Variants in MICU3 observed in about 807,000 individuals in gnomAD.
The protein encoded by MICU3 is calcium uptake protein 3, mitochondrial.
A neutral mutation model predicts 66.5 loss-of-function variants in MICU3; 62 were observed. The ratio of observed to expected loss-of-function variants is 0.93; its 90% CI spans 0.76 to 1.15. The LOEUF is 1.15. MICU3 is among the 50% of genes most tolerant of loss of function. MICU3 has a pLI of 0.00. For missense variants in MICU3, 779 were observed against 664.4 expected (o/e 1.17, Z -1.90); for synonymous variants, 308 against 240.7 (o/e 1.28, Z -2.59).
At chr8:17,130,786 G>T in the MICU3 span, among the ~76,000 whole-genome samples, 4 of 151,828 alleles carry the variant, frequency 2.6e-5, 1 homozygote, top group African/African-American at 9.7e-5. Flanking sequence ...CAAAAAAATG[G>T]GTACAACAAA....
chr8:17,064,140 G>A lies in MICU3; in HGVS notation c.438G>A (p.Glu146=). 6.2e-7 allele frequency: 1 copy of A among 1,613,378 alleles called. No homozygotes were observed. The highest frequency in any genetic ancestry group is 8.5e-7 in the Non-Finnish European group (1 of 1,179,496). ...TAGACCTTTATGCCACATCTCGGGA[G>A]AGGCGATTTCGTTTATTTGCTTCTA... ...EDLDLYATSR[E]RRFRLFASIE... Residue 146 remains glutamate (E), a synonymous_variant, in exon 2 of 15, where the codon GAG becomes GAA. Transcript: ENST00000318063.
At chr8:17,097,803 A>G (rs748163708) in intron 8 of MICU3, among the ~76,000 whole-genome samples, 12 of 151,702 alleles carry the variant, frequency 7.9e-5, no homozygotes, top group Admixed American at 2.6e-4. Context: ...TTTTTAATCT[A>G]CACTTCCTGA....
intron 7 of MICU3, among the ~76,000 whole-genome samples, chr8:17,087,685 C>T (rs988744593): frequency 6.6e-6 from 1 of 151,954 alleles, no homozygotes; most frequent in Admixed American, 6.6e-5. Flanking sequence ...TTAAGCTACC[C>T]AACAATTCTC....
intron 9 of MICU3, 146 bp from the exon 10 acceptor site, chr8:17,104,245 A>C (rs1456253710): frequency 7.5e-6 from 3 of 399,028 alleles, no homozygotes; most frequent in African/African-American, 2.1e-5. Flanking sequence ...GCATGTATTA[A>C]TATGCCTGTG....
At chr8:17,044,147 A>G (rs1221805552) in intron 1 of MICU3, among the ~76,000 whole-genome samples, 2 of 152,240 alleles carry the variant, frequency 1.3e-5, no homozygotes, top group African/African-American at 4.8e-5. Context: ...AATTTGGAAC[A>G]TGGTTAAAGC....
Position 17,091,488 on chromosome 8 carries a change from T to C in MICU3, c.888+904T>C, listed in dbSNP as rs184722645. On this transcript the variant is annotated intron_variant, in intron 8 of 14. Transcript: ENST00000318063. Reference sequence around the variant, plus strand: ...GTGTACAATTCTAAAAGTAGGTGTATTGTCTCCTGTATTGGATAGTTAATC... The same window carrying C: ...GTGTACAATTCTAAAAGTAGGTGTACTGTCTCCTGTATTGGATAGTTAATC... 3.4e-4 allele frequency among the ~76,000 whole-genome samples: 51 copies of C among 152,220 alleles called. No homozygotes were observed. The East Asian group carries it at 5.2e-3, about 16-fold the overall frequency.
At chr8:17,027,694 G>C in intron 1 of MICU3, 34 bp downstream of exon 1, 1 of 1,266,406 alleles carries the variant, frequency 7.9e-7, no homozygotes, top group Non-Finnish European at 9.9e-7. Context: ...ACCTGCGCGG[G>C]GGATGTGACC....
intron 1 of MICU3, among the ~76,000 whole-genome samples, chr8:17,048,987 C>A (rs576167714): frequency 2.8e-4 from 42 of 152,258 alleles, no homozygotes; most frequent in African/African-American, 1.0e-3. Context: ...ATTATGGATC[C>A]ATGCAAATAA....
intron 1 of MICU3, among the ~76,000 whole-genome samples, chr8:17,042,624 G>A (rs183871312): frequency 6.6e-6 from 1 of 152,144 alleles, no homozygotes; most frequent in East Asian, 1.9e-4. Flanking sequence ...TGCTACCATA[G>A]CATAGTAGTG....
chr8:17,063,334 A>G, intron 1 of MICU3, among the ~76,000 whole-genome samples: 1 of 152,132 alleles, frequency 6.6e-6, no homozygotes, highest in East Asian at 1.9e-4. Context: ...CTTTTTTGCC[A>G]AAAAGAAAAC....
chr8:17,132,052 T>C, the MICU3 span: 1 of 152,150 alleles, frequency 6.6e-6, no homozygotes, highest in African/African-American at 2.4e-5. Flanking sequence ...GATGCAACAA[T>C]CATTGCATAC....
intron 5 of MICU3, 131 bp downstream of exon 5, chr8:17,081,871 C>T (rs767798926): frequency 3.5e-6 from 2 of 569,740 alleles, no homozygotes; most frequent in South Asian, 3.4e-5. Flanking sequence ...ATGTTTAATG[C>T]TACAGAAAAA....
At chr8:17,028,822 G>T (rs531912348) in intron 1 of MICU3, among the ~76,000 whole-genome samples, 198 of 151,894 alleles carry the variant, frequency 1.3e-3, no homozygotes, top group African/African-American at 4.5e-3. Context: ...CCACTTTTGT[G>T]GCTTGGCAAG....
the MICU3 span, among the ~76,000 whole-genome samples, chr8:17,137,271 A>G: frequency 2.6e-5 from 4 of 152,048 alleles, no homozygotes; most frequent in African/African-American, 4.8e-5. Flanking sequence ...GTGATTCTAC[A>G]TAGGAGTTAA....
intron 1 of MICU3, among the ~76,000 whole-genome samples, chr8:17,038,846 G>T (rs1032174152): frequency 1.3e-5 from 2 of 151,924 alleles, no homozygotes; most frequent in Admixed American, 6.6e-5. Flanking sequence ...CCAGCTGCTC[G>T]GGAGGCTGAG....
the MICU3 span, among the ~76,000 whole-genome samples, chr8:17,136,832 T>C: frequency 6.7e-6 from 1 of 149,412 alleles, no homozygotes. Context: ...TCAGGGGAGA[T>C]AAACCTTTTT....
chr8:17,028,667 A>G (rs1212898224), intron 1 of MICU3, among the ~76,000 whole-genome samples: 2 of 152,294 alleles, frequency 1.3e-5, no homozygotes, highest in South Asian at 4.1e-4. Context: ...GAGGTTGTCA[A>G]TGCAATTAGG....
chr8:17,112,517 C>G (rs2904645), intron 11 of MICU3, among the ~76,000 whole-genome samples: 14,179 of 151,896 alleles, frequency 0.093, 2,254 homozygotes, highest in African/African-American at 0.32. Context: ...AATACATGGC[C>G]CATTTGTTAT....
downstream of MICU3, among the ~76,000 whole-genome samples, chr8:17,126,052 A>AAT (rs1172588594): frequency 6.8e-6 from 1 of 147,580 alleles, no homozygotes; most frequent in Non-Finnish European, 1.5e-5. Context: ...AAAAAAAAAA[A>AAT]CCTCTCTCTG....
Sources: allele counts gnomAD v4.1 joint callset (sites outside exome capture counted in the v4.1 genomes callset), GRCh38; gene constraint gnomAD v4.1.1; transcripts MANE v1.5; gene names NCBI Gene and HGNC (gene_info 2026-07-23, HGNC 2026-07-21).